Variants in CMKLR1 observed in about 807,000 individuals in gnomAD.
The protein encoded by CMKLR1 is chemerin-like receptor 1.
In CMKLR1, 6 loss-of-function variants were observed where a neutral mutation model predicts 8.2. That is an observed-to-expected ratio of 0.73 (90% CI 0.40 to 1.44). The LOEUF (loss-of-function observed/expected upper bound fraction) is 1.44. CMKLR1 is among the 40% of genes most tolerant of loss of function. CMKLR1 has a pLI of 0.02. For synonymous variants in CMKLR1, 178 were observed against 181.2 expected, an observed-to-expected ratio of 0.98 and a Z score of 0.14; for missense variants, 429 against 478.0, an observed-to-expected ratio of 0.90 and a Z score of 0.96.
chr12:108,309,937 T>C (rs1891506875), intron 2 of CMKLR1, among the ~76,000 whole-genome samples: 1 of 152,214 alleles, frequency 6.6e-6, no homozygotes, highest in Non-Finnish European at 1.5e-5. Context: ...AAAATGTTCA[T>C]AAATGGGTCA....
chr12:108,337,919 G>A (rs943523091), intron 1 of CMKLR1, among the ~76,000 whole-genome samples: 2 of 152,190 alleles, frequency 1.3e-5, no homozygotes, highest in African/African-American at 4.8e-5. Flanking sequence ...GAAGGGGCAG[G>A]AGATACAGCA....
chr12:108,312,805 G>T (rs117895528), intron 2 of CMKLR1, among the ~76,000 whole-genome samples: 41 of 152,034 alleles, frequency 2.7e-4, no homozygotes, highest in African/African-American at 8.7e-4. Flanking sequence ...TGCAACTTCC[G>T]CACCTTGCAC....
chr12:108,299,718 G>A (rs760835634), intron 2 of CMKLR1, among the ~76,000 whole-genome samples: 4 of 152,168 alleles, frequency 2.6e-5, no homozygotes, highest in African/African-American at 7.2e-5. Flanking sequence ...GGCAGAGATA[G>A]GAGGGATGCT....
At chr12:108,326,669 T>A (rs4964677) in intron 2 of CMKLR1, among the ~76,000 whole-genome samples, 1 of 151,996 alleles carries the variant, frequency 6.6e-6, no homozygotes, top group Admixed American at 6.6e-5. Flanking sequence ...CGATGTGGCC[T>A]TGGGCACTCA....
chr12:108,293,671 G>A lies in CMKLR1; in HGVS notation c.-73-7C>T. The stretch of plus-strand genomic sequence containing the variant: ...TGTACACAGCTAGAAACACCTGTAG[G>A]GAAAAAAAAAAAAAAAAAAGCAGCA... On this transcript the variant is annotated splice_region_variant and splice_polypyrimidine_tract_variant and intron_variant, in intron 2 of 3. Transcript: ENST00000550402. 1.7e-6 allele frequency: 2 copies of A among 1,190,882 alleles called. No homozygotes were observed. Among genetic ancestry groups the A allele is most frequent in the Non-Finnish European group, 2.3e-6 (2 of 875,072 alleles). The allele number at this position is 1,190,882 out of a possible 1,614,324, so 73.8% of individuals were successfully genotyped here. A position where few individuals can be genotyped will look rare whatever the true frequency, so the allele number is the denominator to read the frequency against.
At chr12:108,331,052 A>T (rs1302307076) in intron 1 of CMKLR1, among the ~76,000 whole-genome samples, 2 of 152,170 alleles carry the variant, frequency 1.3e-5, no homozygotes, top group African/African-American at 4.8e-5. Flanking sequence ...CCAGACAAGC[A>T]TGTCTCCCTA....
At chr12:108,303,383 C>T (rs1891328062) in intron 2 of CMKLR1, among the ~76,000 whole-genome samples, 1 of 152,232 alleles carries the variant, frequency 6.6e-6, no homozygotes, top group Admixed American at 6.5e-5. Context: ...GAACAAAAGC[C>T]TCCAATGGAC....
At chr12:108,316,305 T>C (rs1057382777) in intron 2 of CMKLR1, among the ~76,000 whole-genome samples, 1 of 151,704 alleles carries the variant, frequency 6.6e-6, no homozygotes, top group African/African-American at 2.4e-5. Context: ...CTCGGCGGGA[T>C]AGGTGATCTT....
intron 2 of CMKLR1, among the ~76,000 whole-genome samples, chr12:108,324,959 T>C (rs776757309): frequency 1.1e-4 from 17 of 152,144 alleles, no homozygotes; most frequent in Non-Finnish European, 2.2e-4. Context: ...CCACCGGGAA[T>C]AAGTGCTTGG....
chr12:108,322,241 G>A (rs1891879088), intron 2 of CMKLR1, among the ~76,000 whole-genome samples: 1 of 152,176 alleles, frequency 6.6e-6, no homozygotes, highest in Admixed American at 6.5e-5. Context: ...TCAGGAGAAA[G>A]CACCCCTTAC....
intron 2 of CMKLR1, among the ~76,000 whole-genome samples, chr12:108,294,818 T>A (rs1026780276): frequency 6.6e-6 from 1 of 152,222 alleles, no homozygotes; most frequent in Admixed American, 6.5e-5. Context: ...ACAAGGCTGC[T>A]AATCAATGCT....
At chr12:108,308,937 A>G (rs1175913180) in intron 2 of CMKLR1, among the ~76,000 whole-genome samples, 1 of 152,224 alleles carries the variant, frequency 6.6e-6, no homozygotes, top group East Asian at 1.9e-4. Context: ...GTCGGGGGTG[A>G]CAGATGCTAA....
intron 2 of CMKLR1, among the ~76,000 whole-genome samples, chr12:108,327,928 C>A (rs1892019122): frequency 1.3e-5 from 2 of 152,138 alleles, no homozygotes; most frequent in South Asian, 4.1e-4. Context: ...TGTCCGGGGT[C>A]CCAGCCTGAC....
In CMKLR1 at chr12:108,330,171, G is replaced by C. The variant is rs1892072638; in HGVS notation, c.-250C>G. 1 of 152,134 alleles carries C rather than the reference G, an allele frequency of 6.6e-6. No individual in the cohort carries two copies. 9.4% of individuals were successfully genotyped at this position (152,134 alleles called of 1,614,324 possible). A position where few individuals can be genotyped will look rare whatever the true frequency, so the allele number is the denominator to read the frequency against. The stretch of plus-strand genomic sequence containing the variant: ...ATTGTTGCAGAGCCCTGAGCCTCCT[G>C]GTAGAAAAATCCAAGCAGTTCTGCT... On this transcript the variant is annotated 5_prime_UTR_variant, in exon 2 of 4. Transcript: ENST00000550402.
chr12:108,312,530 C>T (rs1891612609), intron 2 of CMKLR1, among the ~76,000 whole-genome samples: 1 of 152,190 alleles, frequency 6.6e-6, no homozygotes, highest in African/African-American at 2.4e-5. Flanking sequence ...TTATTAGGCA[C>T]AGACGGCATA....
chr12:108,331,762 G>T (rs1440386836), intron 1 of CMKLR1, among the ~76,000 whole-genome samples: 3 of 152,172 alleles, frequency 2.0e-5, no homozygotes, highest in African/African-American at 7.2e-5. Context: ...GGCTTTGAAG[G>T]CTGGGGAAGG....
intron 1 of CMKLR1, among the ~76,000 whole-genome samples, chr12:108,331,984 CAT>C (rs1335862747): frequency 3.0e-4 from 46 of 152,342 alleles, no homozygotes; most frequent in African/African-American, 1.1e-3. Context: ...TAACAGGAAA[CAT>C]ATACACTTGC....
intron 1 of CMKLR1, among the ~76,000 whole-genome samples, chr12:108,336,549 G>GAA (rs771587283): frequency 2.9e-5 from 4 of 136,924 alleles, no homozygotes; most frequent in Non-Finnish European, 6.4e-5. Flanking sequence ...CCATCTCCAG[G>GAA]AAAAAAAAAA....
At chr12:108,301,187 T>C (rs1446244632) in intron 2 of CMKLR1, among the ~76,000 whole-genome samples, 1 of 150,846 alleles carries the variant, frequency 6.6e-6, no homozygotes, top group African/African-American at 2.4e-5. Flanking sequence ...GTGATTCTCC[T>C]GCCTCAGCCT....
Sources: allele counts gnomAD v4.1 joint callset (sites outside exome capture counted in the v4.1 genomes callset), GRCh38; gene constraint gnomAD v4.1.1; transcripts MANE v1.5; gene names NCBI Gene and HGNC (gene_info 2026-07-23, HGNC 2026-07-21).